Variants in ARMC9 observed in about 807,000 individuals in gnomAD.
ARMC9 encodes the protein lisH domain-containing protein ARMC9.
A neutral mutation model predicts 107.0 loss-of-function variants in ARMC9; 94 were observed. That is an observed-to-expected ratio of 0.88 (90% confidence interval 0.74 to 1.04). The LOEUF is 1.04. Ranked by LOEUF, ARMC9 falls within the 50% of genes least tolerant of loss-of-function variation. ARMC9 has a pLI of 0.00. For synonymous variants in ARMC9, 380 were observed against 396.9 expected (o/e 0.96, Z 0.51); for missense variants, 942 against 1,030.1 (o/e 0.91, Z 1.17).
chr2:231,214,947 C>G lies in ARMC9; in HGVS notation c.294C>G (p.Phe98Leu). ...ACTCCTTTGCCCAGAAGCTGGAATT[C>G]TATCTCCACATCCATTTTGCCATCT... ...DGDSFAQKLE[F>L]YLHIHFAIYL... Residue 98 changes from phenylalanine to leucine, a missense_variant, in exon 4 of 25, where the codon TTC becomes TTG. By Grantham distance (22) the Phe-to-Leu change is conservative (BLOSUM62 0). Transcript: ENST00000611582. 6.2e-7 allele frequency: 1 copy of G among 1,614,176 alleles called. No homozygotes were observed. The highest frequency in any genetic ancestry group is 8.5e-7 in the Non-Finnish European group (1 of 1,180,038).
intron 19 of ARMC9, among the ~76,000 whole-genome samples, chr2:231,310,081 TAGTC>T (rs1575035075): frequency 1.3e-5 from 2 of 152,194 alleles, no homozygotes; most frequent in African/African-American, 4.8e-5. Context: ...AACTAACTGA[TAGTC>T]ATTCATTAAG....
chr2:231,277,904 C>CT (rs1036630763), intron 15 of ARMC9, among the ~76,000 whole-genome samples: 2 of 152,148 alleles, frequency 1.3e-5, no homozygotes, highest in Admixed American at 1.3e-4. Flanking sequence ...TTAGAATTAG[C>CT]TTTTCTTCAT....
At chr2:231,242,580 A>G (rs1468833076) in intron 9 of ARMC9, among the ~76,000 whole-genome samples, 1 of 152,160 alleles carries the variant, frequency 6.6e-6, no homozygotes, top group Admixed American at 6.5e-5. Flanking sequence ...TCCAGTTAAC[A>G]TTCGGACAGT....
chr2:231,266,274 G>C (rs1037022481), intron 12 of ARMC9, among the ~76,000 whole-genome samples: 1 of 152,198 alleles, frequency 6.6e-6, no homozygotes, highest in African/African-American at 2.4e-5. Context: ...TGGGGCCCAA[G>C]GATTTGCATT....
intron 9 of ARMC9, among the ~76,000 whole-genome samples, chr2:231,250,358 A>G (rs2037182458): frequency 6.6e-6 from 1 of 152,192 alleles, no homozygotes; most frequent in Non-Finnish European, 1.5e-5. Flanking sequence ...GTCCTCCATT[A>G]GATGCCAGTA....
chr2:231,334,685 G>A (rs1038207774), intron 20 of ARMC9, among the ~76,000 whole-genome samples: 8 of 152,010 alleles, frequency 5.3e-5, no homozygotes, highest in Non-Finnish European at 1.0e-4. Flanking sequence ...CGCTGAGGCC[G>A]GATGCACTCC....
chr2:231,368,829 C>A (rs577240020), intron 23 of ARMC9, among the ~76,000 whole-genome samples: 1 of 151,992 alleles, frequency 6.6e-6, no homozygotes, highest in Non-Finnish European at 1.5e-5. Flanking sequence ...TTCACCATGC[C>A]GGCCAGGCTG....
At chr2:231,359,541 AC>A (rs1432903304) in intron 22 of ARMC9, among the ~76,000 whole-genome samples, 1 of 151,936 alleles carries the variant, frequency 6.6e-6, no homozygotes, top group Non-Finnish European at 1.5e-5. Context: ...CCCGTCCCCT[AC>A]GCTCACACCC....
intron 19 of ARMC9, among the ~76,000 whole-genome samples, chr2:231,310,076 A>G (rs1225134194): frequency 6.6e-6 from 1 of 152,196 alleles, no homozygotes. Flanking sequence ...TACATAACTA[A>G]CTGATAGTCA....
At chr2:231,340,099 G>A (rs778501665) in intron 20 of ARMC9, among the ~76,000 whole-genome samples, 6 of 152,174 alleles carry the variant, frequency 3.9e-5, no homozygotes, top group Non-Finnish European at 5.9e-5. Flanking sequence ...CTGCAGAAAC[G>A]AAGGGAAAAG....
chr2:231,333,994 C>T (rs1280820889), intron 20 of ARMC9, among the ~76,000 whole-genome samples: 2 of 152,200 alleles, frequency 1.3e-5, no homozygotes, highest in African/African-American at 4.8e-5. Context: ...ATTGGTGAGG[C>T]GCAAAGGCAC....
At chr2:231,303,467 A>G (rs1168679669) in intron 19 of ARMC9, among the ~76,000 whole-genome samples, 1 of 152,178 alleles carries the variant, frequency 6.6e-6, no homozygotes, top group Non-Finnish European at 1.5e-5. Flanking sequence ...GTCCTTCTCC[A>G]TCTAGTACAG....
chr2:231,287,806 C>G (rs2040710356), intron 17 of ARMC9, among the ~76,000 whole-genome samples: 1 of 152,174 alleles, frequency 6.6e-6, no homozygotes, highest in Non-Finnish European at 1.5e-5. Flanking sequence ...CATAATTCTA[C>G]TTCTGAAGCT....
At chr2:231,282,918 T>C (rs1214328750) in intron 17 of ARMC9, among the ~76,000 whole-genome samples, 1 of 152,204 alleles carries the variant, frequency 6.6e-6, no homozygotes, top group East Asian at 1.9e-4. Flanking sequence ...AATTCTGCGT[T>C]ATGGTCATTT....
chr2:231,323,202 TGGG>T (rs1019972375), intron 19 of ARMC9, among the ~76,000 whole-genome samples: 22 of 150,868 alleles, frequency 1.5e-4, no homozygotes, highest in African/African-American at 5.1e-4. Flanking sequence ...AAAAAAAAAA[TGGG>T]GGGAGAACTG....
chr2:231,296,290 A>G (rs1172014915), intron 19 of ARMC9, 37 bp downstream of exon 19: 1 of 1,521,052 alleles, frequency 6.6e-7, no homozygotes, highest in Non-Finnish European at 9.1e-7. Flanking sequence ...TAGAAAACCC[A>G]TACCAAACTA....
At chr2:231,288,728 T>C in intron 17 of ARMC9, 1 of 471,140 alleles carries the variant, frequency 2.1e-6, no homozygotes. Context: ...AAAGGTGAAA[T>C]CCTCTGCCCA....
intron 7 of ARMC9, among the ~76,000 whole-genome samples, chr2:231,229,429 A>G (rs1401698319): frequency 2.0e-5 from 3 of 152,382 alleles, no homozygotes; most frequent in East Asian, 1.9e-4. Context: ...AGGCACTTGC[A>G]GCAGAAACTT....
At chr2:231,216,562 C>G in intron 4 of ARMC9, 76 bp from the exon 5 acceptor site, 4 of 1,502,036 alleles carry the variant, frequency 2.7e-6, no homozygotes, top group Non-Finnish European at 3.6e-6. Context: ...GAAGGAGCCT[C>G]AGAGAGAGGA....
Sources: allele counts gnomAD v4.1 joint callset (sites outside exome capture counted in the v4.1 genomes callset), GRCh38; gene constraint gnomAD v4.1.1; transcripts MANE v1.5; gene names NCBI Gene and HGNC (gene_info 2026-07-23, HGNC 2026-07-21).